The following CCNY variants were observed in gnomAD, a reference collection of about 807,000 sequenced individuals.
CCNY encodes cyclin-Y.
A neutral mutation model predicts 42.8 loss-of-function variants in CCNY; 19 were observed. The ratio of observed to expected loss-of-function variants is 0.44; its 90% CI spans 0.31 to 0.65. CCNY has a LOEUF of 0.65. Ranked by LOEUF, CCNY falls within the 30% of genes least tolerant of loss-of-function variation. The pLI, the probability that CCNY is intolerant of heterozygous loss-of-function variation, is 0.07. For missense variants in CCNY, 370 were observed against 437.3 expected (o/e 0.85, Z 1.37); for synonymous variants, 165 against 162.7 (o/e 1.01, Z -0.11).
intron 2 of CCNY, among the ~76,000 whole-genome samples, chr10:35,250,236 G>T (rs1252455168): frequency 6.6e-6 from 1 of 151,566 alleles, no homozygotes; most frequent in Non-Finnish European, 1.5e-5. Context: ...GTGGTGGTGG[G>T]CTCCTGTAAT....
intron 3 of CCNY, among the ~76,000 whole-genome samples, chr10:35,299,782 C>T (rs1469661224): frequency 1.3e-5 from 2 of 152,128 alleles, no homozygotes; most frequent in Non-Finnish European, 2.9e-5. Flanking sequence ...AGGTTTAAAT[C>T]TACTGTCTTG....
intron 7 of CCNY, among the ~76,000 whole-genome samples, chr10:35,543,980 G>C (rs2135439011): frequency 6.6e-6 from 1 of 152,194 alleles, no homozygotes; most frequent in East Asian, 1.9e-4. Context: ...TATAAAGAGA[G>C]AAAATATTTT....
chr10:35,398,252 A>AG (rs1837568023), intron 1 of CCNY, among the ~76,000 whole-genome samples: 1 of 152,218 alleles, frequency 6.6e-6, no homozygotes, highest in Non-Finnish European at 1.5e-5. Context: ...GTATGGGGAC[A>AG]GATGTGATTG....
chr10:35,254,800 C>G (rs190515848), intron 3 of CCNY, among the ~76,000 whole-genome samples: 65 of 128,830 alleles, frequency 5.0e-4, no homozygotes, highest in Admixed American at 7.6e-4. Context: ...CACTGCACTC[C>G]AGTCTGGGGG....
chr10:35,417,168 G>A (rs1277346659), intron 1 of CCNY, among the ~76,000 whole-genome samples: 2 of 152,186 alleles, frequency 1.3e-5, no homozygotes, highest in African/African-American at 2.4e-5. Context: ...TGGGAAGCAC[G>A]TGGAATGCCA....
At chr10:35,401,782 G>A (rs1026211975) in intron 1 of CCNY, among the ~76,000 whole-genome samples, 6 of 152,042 alleles carry the variant, frequency 3.9e-5, no homozygotes, top group African/African-American at 9.7e-5. Context: ...GGCAGGGGGT[G>A]GATCTCACAG....
chr10:35,537,948 A>G (rs778147924), intron 7 of CCNY, among the ~76,000 whole-genome samples: 26 of 152,098 alleles, frequency 1.7e-4, no homozygotes, highest in Non-Finnish European at 2.9e-4. Context: ...CCAAGATCGC[A>G]TTTTGAATTG....
intron 1 of CCNY, among the ~76,000 whole-genome samples, chr10:35,425,095 C>T (rs1589112584): frequency 6.6e-6 from 1 of 152,294 alleles, no homozygotes; most frequent in East Asian, 1.9e-4. Flanking sequence ...AGTCATACCT[C>T]CTGCATGCAC....
At chr10:35,303,777 C>CAAAAAA (rs755443366) in intron 3 of CCNY, among the ~76,000 whole-genome samples, 1 of 48,474 alleles carries the variant, frequency 2.1e-5, no homozygotes, top group African/African-American at 6.4e-5. Context: ...AACTCCGTCT[C>CAAAAAA]AAAAAAAAAA....
chr10:35,486,636 C>T (rs146979263), intron 2 of CCNY, among the ~76,000 whole-genome samples: 1 of 152,208 alleles, frequency 6.6e-6, no homozygotes, highest in Non-Finnish European at 1.5e-5. Context: ...CAAGGGCTCC[C>T]CAGTTGCTTT....
chr10:35,491,492 T>A (rs1182788842), intron 2 of CCNY, among the ~76,000 whole-genome samples: 1 of 152,206 alleles, frequency 6.6e-6, no homozygotes, highest in African/African-American at 2.4e-5. Flanking sequence ...GTTCCAGAGA[T>A]GTTTTCTGCC....
intron 3 of CCNY, among the ~76,000 whole-genome samples, chr10:35,270,608 C>T (rs888289425): frequency 1.3e-5 from 2 of 152,086 alleles, no homozygotes; most frequent in South Asian, 2.1e-4. Flanking sequence ...CCAATTTGCC[C>T]AGAGTCCACA....
chr10:35,482,519 T>C (rs1025119329), intron 1 of CCNY, among the ~76,000 whole-genome samples: 1 of 152,246 alleles, frequency 6.6e-6, no homozygotes, highest in Non-Finnish European at 1.5e-5. Flanking sequence ...TGACAAGTTG[T>C]AGACCTTGGA....
chr10:35,332,312 C>G (rs1768833094), upstream of CCNY: 1 of 152,216 alleles, frequency 6.6e-6, no homozygotes. Flanking sequence ...CCTGGGCTAA[C>G]TTGGCTCAGT....
At chr10:35,267,196 G>A (rs1230199644) in intron 3 of CCNY, among the ~76,000 whole-genome samples, 6 of 151,304 alleles carry the variant, frequency 4.0e-5, no homozygotes, top group Non-Finnish European at 4.4e-5. Flanking sequence ...TAATCCCTCC[G>A]CTTTGGGAGG....
chr10:35,335,923 CA>C (rs200291312), upstream of CCNY: 53,274 of 151,452 alleles, frequency 0.35, 9,881 homozygotes, highest in African/African-American at 0.44. Context: ...CACACACACA[CA>C]CACCTTAGCC....
intron 1 of CCNY, among the ~76,000 whole-genome samples, chr10:35,344,305 C>T (rs981069036): frequency 6.6e-6 from 1 of 152,158 alleles, no homozygotes. Context: ...TGGGAAGACC[C>T]GCATTCCAGA....
intron 3 of CCNY, among the ~76,000 whole-genome samples, chr10:35,279,722 CA>C (rs971311379): frequency 6.6e-6 from 1 of 152,176 alleles, no homozygotes; most frequent in African/African-American, 2.4e-5. Context: ...AGTCCTTGAC[CA>C]CAGCACCCTT....
At chr10:35,308,006 G>A (rs1835634375) in intron 3 of CCNY, among the ~76,000 whole-genome samples, 1 of 151,224 alleles carries the variant, frequency 6.6e-6, no homozygotes, top group African/African-American at 2.4e-5. Context: ...TAGTAGACAC[G>A]GGGTTTCACG....
Sources: allele counts gnomAD v4.1 joint callset (sites outside exome capture counted in the v4.1 genomes callset), GRCh38; gene constraint gnomAD v4.1.1; transcripts MANE v1.5; gene names NCBI Gene and HGNC (gene_info 2026-07-23, HGNC 2026-07-21).